The following HHAT variants were observed in gnomAD, a reference collection of about 807,000 sequenced individuals.
The protein encoded by HHAT is protein-cysteine N-palmitoyltransferase HHAT.
HHAT carries 47 observed loss-of-function variants against 70.8 expected under a neutral mutation model. That is an observed-to-expected ratio of 0.66 (90% CI 0.53 to 0.85). The LOEUF is 0.85. Among genes scored for constraint, HHAT ranks in the 40% least tolerant of loss-of-function variants. HHAT has a pLI of 0.00. For synonymous variants in HHAT, 228 were observed against 247.6 expected (o/e 0.92, Z 0.74); for missense variants, 609 against 604.8 (o/e 1.01, Z -0.07).
At chr1:210,566,750 C>T (rs1654846032) in intron 9 of HHAT, among the ~76,000 whole-genome samples, 1 of 152,112 alleles carries the variant, frequency 6.6e-6, no homozygotes, top group Non-Finnish European at 1.5e-5. Context: ...CACTGAGAGC[C>T]ACCTCCACCA....
Position 210,362,540 on chromosome 1 carries a change from C to T in HHAT, c.92-312C>T, listed in dbSNP as rs545654836. Among the ~76,000 whole-genome samples, 28 of 152,322 alleles carry T rather than the reference C, an allele frequency of 1.8e-4. No individual in the cohort carries two copies. In the South Asian group the frequency reaches 4.8e-3, roughly 26 times the overall value. On this transcript the variant is annotated intron_variant, in intron 2 of 11. Transcript: ENST00000261458. ...ATGCCCGGCCCAAAATTTCTAACAG[C>T]GTGTGCACATGGGCCATTTGCAGTA... is the stretch of plus-strand genomic sequence containing the variant.
chr1:210,602,070 G>T (rs938596867), intron 10 of HHAT, among the ~76,000 whole-genome samples: 2 of 151,986 alleles, frequency 1.3e-5, no homozygotes, highest in Non-Finnish European at 2.9e-5. Flanking sequence ...GGGAGCTGAG[G>T]AGGAGGAAAA....
chr1:210,474,747 G>A (rs1055357950), intron 8 of HHAT, among the ~76,000 whole-genome samples: 3 of 151,970 alleles, frequency 2.0e-5, no homozygotes, highest in Non-Finnish European at 4.4e-5. Context: ...TGAGTCTGAC[G>A]AGGAGGGAAA....
intron 7 of HHAT, among the ~76,000 whole-genome samples, chr1:210,446,871 A>G (rs542511329): frequency 6.6e-6 from 1 of 152,300 alleles, no homozygotes; most frequent in South Asian, 2.1e-4. Flanking sequence ...TGCCATGTGA[A>G]ATTTTCCTCT....
At chr1:210,550,119 C>G (rs1364701649) in intron 9 of HHAT, among the ~76,000 whole-genome samples, 1 of 149,216 alleles carries the variant, frequency 6.7e-6, no homozygotes, top group Admixed American at 6.9e-5. Flanking sequence ...CTCCACTCAT[C>G]CTTTCATGCC....
At chr1:210,401,670 T>A (rs917967770) in intron 5 of HHAT, among the ~76,000 whole-genome samples, 1 of 152,100 alleles carries the variant, frequency 6.6e-6, no homozygotes, top group Admixed American at 6.5e-5. Flanking sequence ...TTTAGCTTTA[T>A]TTTTTTTCTC....
chr1:210,425,510 A>C (rs1211141426), intron 7 of HHAT, among the ~76,000 whole-genome samples: 1 of 152,068 alleles, frequency 6.6e-6, no homozygotes, highest in Non-Finnish European at 1.5e-5. Flanking sequence ...TCTTGGGTTA[A>C]TTTTTGTATG....
rs116274232 is a variant in HHAT at position 210,674,602 on chromosome 1, A to G, written c.*223A>G. The G allele has an allele frequency of 3.8e-6, 2 of 524,752 alleles. No homozygotes were observed. The highest frequency in any genetic ancestry group is 1.9e-5 in the African/African-American group (1 of 52,274). The allele number at this position is 524,752 out of a possible 1,614,324, so 32.5% of individuals were successfully genotyped here. On this transcript the variant is annotated 3_prime_UTR_variant, in exon 12 of 12. Transcript: ENST00000261458. ...TTCTACCCCAACTCATCATTTTCCT[A>G]TTGAGGAAACGGGTCCAGGGCAGTC... is the stretch of plus-strand genomic sequence containing the variant.
chr1:210,428,241 A>G (rs2093128917), intron 7 of HHAT, among the ~76,000 whole-genome samples: 1 of 132,224 alleles, frequency 7.6e-6, no homozygotes, highest in African/African-American at 2.8e-5. Context: ...TTTTTCCTAT[A>G]GTTCTTTATA....
At chr1:210,452,703 T>C (rs1207679828) in intron 7 of HHAT, among the ~76,000 whole-genome samples, 1 of 152,238 alleles carries the variant, frequency 6.6e-6, no homozygotes. Context: ...GGTTTTTCTT[T>C]AAAAGAGCTC....
chr1:210,587,211 A>G (rs1387414820), intron 9 of HHAT, among the ~76,000 whole-genome samples: 1 of 152,246 alleles, frequency 6.6e-6, no homozygotes, highest in Admixed American at 6.5e-5. Context: ...GTAATTTATA[A>G]AGAAAAAACA....
intron 11 of HHAT, among the ~76,000 whole-genome samples, chr1:210,634,401 C>T (rs1000237917): frequency 3.9e-5 from 6 of 152,130 alleles, no homozygotes; most frequent in Admixed American, 3.3e-4. Context: ...CAAGCTGGGT[C>T]GCCTCAGTGA....
chr1:210,546,087 AC>A (rs1286584763), intron 9 of HHAT, among the ~76,000 whole-genome samples: 2 of 152,170 alleles, frequency 1.3e-5, no homozygotes, highest in African/African-American at 4.8e-5. Context: ...CCTTTAGATG[AC>A]ACTATGCTGT....
chr1:210,629,857 T>G (rs943666999), intron 11 of HHAT, among the ~76,000 whole-genome samples: 4 of 98,620 alleles, frequency 4.1e-5, no homozygotes, highest in Non-Finnish European at 9.5e-5. Flanking sequence ...TTTTTGTTTT[T>G]TTTTTTTGAG....
chr1:210,488,502 C>A (rs575328246), intron 8 of HHAT, among the ~76,000 whole-genome samples: 1 of 152,150 alleles, frequency 6.6e-6, no homozygotes, highest in Non-Finnish European at 1.5e-5. Context: ...GATGTTTTCC[C>A]GTTTTATTCA....
chr1:210,653,292 C>T (rs1244728989), intron 11 of HHAT, among the ~76,000 whole-genome samples: 3 of 152,078 alleles, frequency 2.0e-5, no homozygotes, highest in Non-Finnish European at 4.4e-5. Context: ...CCTGTAATCC[C>T]AGCACTTTGG....
chr1:210,478,789 C>T (rs1390744028), intron 8 of HHAT, among the ~76,000 whole-genome samples: 1 of 152,156 alleles, frequency 6.6e-6, no homozygotes, highest in Non-Finnish European at 1.5e-5. Context: ...ATATGCACCT[C>T]AAAAGTGCCA....
At chr1:210,535,391 G>A (rs923115015) in intron 9 of HHAT, among the ~76,000 whole-genome samples, 13 of 152,040 alleles carry the variant, frequency 8.6e-5, no homozygotes, top group Admixed American at 2.6e-4. Flanking sequence ...CTAATGAGTT[G>A]TAATACTGTG....
intron 2 of HHAT, among the ~76,000 whole-genome samples, chr1:210,353,537 T>C (rs967296360): frequency 7.9e-5 from 12 of 152,166 alleles, no homozygotes; most frequent in Admixed American, 7.8e-4. Flanking sequence ...TTATTTCTTC[T>C]TGTACCCATC....
Sources: allele counts gnomAD v4.1 joint callset (sites outside exome capture counted in the v4.1 genomes callset), GRCh38; gene constraint gnomAD v4.1.1; transcripts MANE v1.5; gene names NCBI Gene and HGNC (gene_info 2026-07-23, HGNC 2026-07-21).